The following GLIS1 variants were observed in gnomAD, a reference collection of about 807,000 sequenced individuals.
GLIS1 encodes GLIS family zinc finger 1, also known as zinc finger protein GLIS1.
In GLIS1, 24 loss-of-function variants were observed where a neutral mutation model predicts 63.8. The ratio of observed to expected loss-of-function variants is 0.38; its 90% confidence interval spans 0.27 to 0.53. The LOEUF is 0.53. Ranked by LOEUF, GLIS1 falls within the 20% of genes least tolerant of loss-of-function variation. The pLI, the probability that GLIS1 is intolerant of heterozygous loss-of-function variation, is 0.85. For synonymous variants in GLIS1, 450 were observed against 482.5 expected (o/e 0.93, Z 0.88); for missense variants, 1,036 against 1,074.1 (o/e 0.96, Z 0.50).
In GLIS1 at chr1:53,514,644, C is replaced by A. The variant is rs760298805; in HGVS notation, c.1864G>T (p.Ala622Ser). Reference sequence around the variant, plus strand: ...ACATACCCATCCCGGGTGCTCTCAGCCATGGGCAGAGGGGACAGATGGTGG... The same window carrying A: ...ACATACCCATCCCGGGTGCTCTCAGACATGGGCAGAGGGGACAGATGGTGG... ...SHHHLSPLPM[A>S]ESTRDGLGPG... Residue 622 changes from alanine to serine, a missense_variant, in exon 8 of 11, where the codon GCT (alanine) becomes TCT (serine). Ala to Ser is a moderately conservative substitution (Grantham distance 99). Transcript: ENST00000628545. 1 of 1,613,468 alleles carries A rather than the reference C, an allele frequency of 6.2e-7. No homozygotes were observed. The highest frequency in any genetic ancestry group is 8.5e-7 in the Non-Finnish European group (1 of 1,179,848).
chr1:53,580,484 G>A (rs1177890154), intron 4 of GLIS1, among the ~76,000 whole-genome samples: 2 of 152,172 alleles, frequency 1.3e-5, no homozygotes, highest in Non-Finnish European at 2.9e-5. Context: ...CAAATTACAC[G>A]TGACTGCTTT....
intron 2 of GLIS1, among the ~76,000 whole-genome samples, chr1:53,732,953 C>T (rs1646878141): frequency 6.6e-6 from 1 of 152,150 alleles, no homozygotes; most frequent in Non-Finnish European, 1.5e-5. Flanking sequence ...TTATCCTCAG[C>T]GATAGTCACT....
At chr1:53,563,036 G>C (rs1369026950) in intron 4 of GLIS1, among the ~76,000 whole-genome samples, 3 of 152,210 alleles carry the variant, frequency 2.0e-5, no homozygotes, top group Non-Finnish European at 4.4e-5. Flanking sequence ...CTGTCACATT[G>C]CTTGGGTTAT....
At chr1:53,512,861 G>C (rs749512700) in intron 8 of GLIS1, among the ~76,000 whole-genome samples, 3 of 151,936 alleles carry the variant, frequency 2.0e-5, no homozygotes, top group Non-Finnish European at 4.4e-5. Context: ...TTTTCGGCTG[G>C]TTGGTGGGTG....
intron 4 of GLIS1, among the ~76,000 whole-genome samples, chr1:53,548,594 C>T (rs1300837627): frequency 6.6e-6 from 1 of 152,182 alleles, no homozygotes; most frequent in Non-Finnish European, 1.5e-5. Context: ...CTTGGAGGAG[C>T]TCAGAAGTTG....
chr1:53,675,468 AG>A (rs904851916), intron 2 of GLIS1, among the ~76,000 whole-genome samples: 1 of 152,188 alleles, frequency 6.6e-6, no homozygotes, highest in African/African-American at 2.4e-5. Flanking sequence ...GACCCAAATT[AG>A]GGCCCAACTT....
intron 2 of GLIS1, among the ~76,000 whole-genome samples, chr1:53,650,697 T>C (rs1645897665): frequency 6.6e-6 from 1 of 152,146 alleles, no homozygotes; most frequent in Non-Finnish European, 1.5e-5. Flanking sequence ...GATATTCCTT[T>C]CTTATTTCAG....
At chr1:53,534,895 C>T (rs1429281946) in intron 4 of GLIS1, among the ~76,000 whole-genome samples, 4 of 151,988 alleles carry the variant, frequency 2.6e-5, no homozygotes, top group South Asian at 2.1e-4. Flanking sequence ...GGGGCTGACC[C>T]GGGGGCTTCT....
intron 4 of GLIS1, among the ~76,000 whole-genome samples, chr1:53,587,425 C>A (rs556438957): frequency 1.3e-5 from 2 of 152,296 alleles, no homozygotes; most frequent in Non-Finnish European, 2.9e-5. Flanking sequence ...TGAGTTGAGG[C>A]AAGTTGAGGA....
chr1:53,627,768 A>T (rs955854726), intron 2 of GLIS1, among the ~76,000 whole-genome samples: 1 of 152,126 alleles, frequency 6.6e-6, no homozygotes. Context: ...GAGGAGGTGG[A>T]GGGGAGGAGG....
At chr1:53,737,687 A>G in intron 2 of GLIS1, 119 bp downstream of exon 2, 2 of 1,001,452 alleles carry the variant, frequency 2.0e-6, no homozygotes, top group Non-Finnish European at 1.3e-6. Context: ...AAACAATAAG[A>G]GAGAAACTGA....
intron 2 of GLIS1, among the ~76,000 whole-genome samples, chr1:53,662,866 G>T (rs1188534152): frequency 6.6e-6 from 1 of 152,174 alleles, no homozygotes; most frequent in Non-Finnish European, 1.5e-5. Context: ...CCTTTACAGA[G>T]ACCATCTCCC....
chr1:53,642,110 G>T (rs1459995549), intron 2 of GLIS1, among the ~76,000 whole-genome samples: 7 of 152,222 alleles, frequency 4.6e-5, no homozygotes, highest in African/African-American at 1.7e-4. Context: ...GAGCTTGTGG[G>T]GCCAGGCCAC....
In GLIS1 at chr1:53,531,065, G is replaced by A. The variant is rs1644525082; in HGVS notation, c.1321-1113C>T. On this transcript the variant is annotated intron_variant, in intron 4 of 10. Coordinates refer to ENST00000628545, the MANE Select transcript of GLIS1 (RefSeq NM_001367484.1). ...CAAGTGACCTGCCCAAGGTCACAGG[G>A]CTGTGACATGGCAATGACAGGACTC... is the stretch of plus-strand genomic sequence containing the variant. 3.3e-5 allele frequency among the ~76,000 whole-genome samples: 5 copies of A among 152,346 alleles called. No homozygotes were observed. The South Asian group carries it at 1.0e-3, about 32-fold the overall frequency.
intron 2 of GLIS1, among the ~76,000 whole-genome samples, chr1:53,657,340 A>G (rs1645977679): frequency 6.6e-6 from 1 of 152,194 alleles, no homozygotes; most frequent in Admixed American, 6.5e-5. Flanking sequence ...CCAAGTCTTC[A>G]GAGGACTCAG....
At chr1:53,601,907 T>C (rs1645321729) in intron 2 of GLIS1, among the ~76,000 whole-genome samples, 1 of 152,208 alleles carries the variant, frequency 6.6e-6, no homozygotes, top group African/African-American at 2.4e-5. Flanking sequence ...GCCATAGCTC[T>C]GGACAGGCAC....
intron 8 of GLIS1, among the ~76,000 whole-genome samples, chr1:53,510,806 C>T (rs1034703220): frequency 1.3e-5 from 2 of 152,224 alleles, no homozygotes; most frequent in African/African-American, 4.8e-5. Context: ...GAGGAACCTT[C>T]CGTTTCCAGC....
chr1:53,554,687 G>A (rs927524833), intron 4 of GLIS1, among the ~76,000 whole-genome samples: 4 of 152,142 alleles, frequency 2.6e-5, no homozygotes, highest in African/African-American at 9.6e-5. Flanking sequence ...GGGGGTCACA[G>A]CAGGGACAGC....
intron 3 of GLIS1, among the ~76,000 whole-genome samples, chr1:53,597,176 T>TAAAAAAAAAAAAACA (rs1645264684): frequency 5.2e-5 from 1 of 19,314 alleles, no homozygotes; most frequent in Non-Finnish European, 1.0e-4. Context: ...CTGTCTCTAC[T>TAAAAAAAAAAAAACA]AAAAAAAAAA....
Sources: allele counts gnomAD v4.1 joint callset (sites outside exome capture counted in the v4.1 genomes callset), GRCh38; gene constraint gnomAD v4.1.1; transcripts MANE v1.5; gene names NCBI Gene and HGNC (gene_info 2026-07-23, HGNC 2026-07-21).